Variants in MYH6 observed in about 807,000 individuals in gnomAD.
The protein encoded by MYH6 is myosin heavy chain 6.
In MYH6, 126 loss-of-function variants were observed where a neutral mutation model predicts 223.2. The ratio of observed to expected loss-of-function variants is 0.56; its 90% confidence interval spans 0.49 to 0.65. The LOEUF is 0.65. Among genes scored for constraint, MYH6 ranks in the 30% least tolerant of loss-of-function variants. The pLI, the probability that MYH6 is intolerant of heterozygous loss-of-function variation, is 0.00. For synonymous variants in MYH6, 978 were observed against 1,010.2 expected (o/e 0.97, Z 0.61); for missense variants, 2,040 against 2,536.4 (o/e 0.80, Z 4.20).
rs1595048871 is a variant in MYH6, at chr14:23,385,947, A to C, written c.5144T>G (p.Val1715Gly). ...CCTCACCTGGGAATGCAGCAGCTGCACCCGCTCGCTGGTCTCAATCAGCTC... is the reference window on the plus strand; with the variant it reads ...CCTCACCTGGGAATGCAGCAGCTGCCCCCGCTCGCTGGTCTCAATCAGCTC... ...EQELIETSER[V>G]QLLHSQNTSL... is the part of the protein sequence containing the mutation. Residue 1715 changes from valine to glycine, a missense_variant, in exon 34 of 39, where the codon GTG becomes GGG. Val to Gly is a moderately radical substitution (Grantham distance 109). Around this residue, in one of 4 missense-constraint regions of MYH6, gnomAD observed 1,203 missense variants for 1,400.2 expected, o/e 0.86. Transcript: ENST00000405093. The C allele has an allele frequency of 6.2e-7, 1 of 1,614,098 alleles. No individual in the cohort carries two copies. The highest frequency in any genetic ancestry group is 8.5e-7 in the Non-Finnish European group (1 of 1,180,012).
chr14:23,403,805 G>T (rs756445461), intron 8 of MYH6, 27 bp from the exon 9 acceptor site: 1 of 1,580,812 alleles, frequency 6.3e-7, no homozygotes, highest in South Asian at 1.1e-5. Context: ...CAGAGTGAGG[G>T]AACTGGCGGG....
chr14:23,390,555 C>G, intron 25 of MYH6, 109 bp from the exon 26 acceptor site: 2 of 1,534,016 alleles, frequency 1.3e-6, no homozygotes, highest in African/African-American at 1.4e-5. Context: ...CAGTGGTTCT[C>G]AACTAGGGGC....
chr14:23,388,936 G>A lies in MYH6; in HGVS notation c.4098C>T (p.Ala1366=). The A allele has an allele frequency of 6.2e-7, 1 of 1,613,758 alleles. No individual in the cohort carries two copies. Among genetic ancestry groups the A allele is most frequent in the Non-Finnish European group, 8.5e-7 (1 of 1,180,022 alleles). ...TCCTCCACTGGGCCACCTCCGAGTT[G>A]GCCTTGGACAGGACGCGCTGCAGCT... The part of the protein sequence containing the change: ...KAELQRVLSK[A]NSEVAQWRTK... Residue 1366 remains alanine (A), a synonymous_variant, in exon 29 of 39, where the codon GCC becomes GCT. Transcript: ENST00000405093.
chr14:23,406,114 C>CA (rs1441471339), intron 3 of MYH6, among the ~76,000 whole-genome samples: 1 of 152,158 alleles, frequency 6.6e-6, no homozygotes, highest in Non-Finnish European at 1.5e-5. Context: ...GATCTGTGCA[C>CA]ACCTTATGCT....
intron 28 of MYH6, 65 bp downstream of exon 28, chr14:23,389,328 T>G (rs1009660972): frequency 1.4e-4 from 212 of 1,547,288 alleles, no homozygotes; most frequent in Non-Finnish European, 1.8e-4. Context: ...GCTCCATTTC[T>G]GGCACTGAGA....
Position 23,405,030 on chromosome 14 carries a change from A to G in MYH6, c.530+70T>C, listed in dbSNP as rs1891738091. 5 of 1,606,562 alleles carry G rather than the reference A, an allele frequency of 3.1e-6. No individual in the cohort carries two copies. In the East Asian group the frequency reaches 6.7e-5, roughly 22 times the overall value. ...TCCCAGCCTTAAACCTCTCCTCCCAACTACACCCTAGGCATCAGCGTGTAT... is the reference window on the plus strand; with the variant it reads ...TCCCAGCCTTAAACCTCTCCTCCCAGCTACACCCTAGGCATCAGCGTGTAT... On this transcript the variant is annotated intron_variant, in intron 6 of 38. Coordinates refer to ENST00000405093, the MANE Select transcript of MYH6 (RefSeq NM_002471.4). This position sits in a 1 kb window ranked among gnomAD's most constrained non-coding sequence, Gnocchi z 4.7.
chr14:23,407,708 T>G lies in MYH6; in HGVS notation c.-46-100A>C, dbSNP rs187243951. On this transcript the variant is annotated intron_variant, in intron 1 of 38. Coordinates refer to ENST00000405093, the MANE Select transcript of MYH6 (RefSeq NM_002471.4). The surrounding 1 kb of genome is among the most constrained non-coding windows in gnomAD (Gnocchi z 5.6). ...ACAACAGAGGCAGGCCACCCGGGGA[T>G]GGAGGCAGCCCCAGAGCGCAGACAG... 1.4e-5 allele frequency: 12 copies of G among 861,938 alleles called. No individual in the cohort carries two copies. The highest frequency in any genetic ancestry group is 1.7e-5 in the Non-Finnish European group (12 of 697,526). 53.4% of individuals were successfully genotyped at this position (861,938 alleles called of 1,614,324 possible). A position where few individuals can be genotyped will look rare whatever the true frequency, so the allele number is the denominator to read the frequency against.
intron 29 of MYH6, 141 bp from the exon 30 acceptor site, chr14:23,388,479 C>T (rs1241170660): frequency 1.4e-6 from 2 of 1,382,312 alleles, no homozygotes; most frequent in Non-Finnish European, 2.0e-6. Flanking sequence ...CTGCTCATGC[C>T]TGGAACAGAG....
intron 29 of MYH6, 60 bp downstream of exon 29, chr14:23,388,799 C>A: frequency 5.0e-6 from 8 of 1,613,356 alleles, no homozygotes; most frequent in Non-Finnish European, 6.8e-6. Flanking sequence ...CTGTCCCCAC[C>A]CCAGGTCCTC....
chr14:23,393,239 C>T, intron 23 of MYH6, 103 bp downstream of exon 23: 1 of 1,531,210 alleles, frequency 6.5e-7, no homozygotes, highest in Non-Finnish European at 9.0e-7. Context: ...AAAAAAGCTT[C>T]AGGGGCCATA....
chr14:23,407,256 G>A lies in MYH6; in HGVS notation c.-13-20C>T, dbSNP rs1354377673. The A allele has an allele frequency of 2.5e-6, 4 of 1,612,934 alleles. No individual in the cohort carries two copies. The East Asian group carries it at 6.7e-5, about 27-fold the overall frequency. ...CTTCCCCTGGGTCAGAGACAGGAGG[G>A]CTATGTTACTCCTGAGGGAGCCCAG... On this transcript the variant is annotated intron_variant, in intron 2 of 38. Coordinates refer to ENST00000405093, the MANE Select transcript of MYH6 (RefSeq NM_002471.4). This position sits in a 1 kb window ranked among gnomAD's most constrained non-coding sequence, Gnocchi z 5.6.
Position 23,405,091 on chromosome 14 carries a change from C to T in MYH6, c.530+9G>A, listed in dbSNP as rs1052435390. On this transcript the variant is annotated intron_variant, in intron 6 of 38. Transcript: ENST00000405093. This position sits in a 1 kb window ranked among gnomAD's most constrained non-coding sequence, Gnocchi z 4.7. ...CAGTCCCTTCTGTGGGAGGATGGCA[C>T]TCGCTCACGTGATGAGGATGGACTG... is the stretch of plus-strand genomic sequence containing the variant. 3.1e-6 allele frequency: 5 copies of T among 1,613,964 alleles called. No individual in the cohort carries two copies. The African/African-American group carries it at 4.0e-5, about 13-fold the overall frequency.
Position 23,394,792 on chromosome 14 carries a change from CTG to C in MYH6, c.2430-471_2430-470del, listed in dbSNP as rs1382350335. Among the ~76,000 whole-genome samples, 4 of 152,190 alleles carry C rather than the reference CTG, an allele frequency of 2.6e-5. No individual in the cohort carries two copies. The East Asian group carries it at 7.7e-4, about 29-fold the overall frequency. On this transcript the variant is annotated intron_variant, in intron 20 of 38. Coordinates refer to ENST00000405093, the MANE Select transcript of MYH6 (RefSeq NM_002471.4). ...CACCCCGCCAGGAGCAGCCGCCACT[CTG>C]AATCTTATTTTTCCTTTCCTTGCTT...
At chr14:23,393,265 G>A (rs374707895) in intron 23 of MYH6, 77 bp downstream of exon 23, 2 of 1,584,838 alleles carry the variant, frequency 1.3e-6, no homozygotes, top group African/African-American at 2.7e-5. Flanking sequence ...TAATTCTAGG[G>A]ATCAGGACTT....
At chr14:23,396,114 AAAG>A (rs34644851) in intron 20 of MYH6, among the ~76,000 whole-genome samples, 167 bp downstream of exon 20, 1,731 of 144,710 alleles carry the variant, frequency 0.012, 19 homozygotes, top group East Asian at 0.054. Context: ...AAAAAAAAAA[AAAG>A]AAGAAGAAGA....
rs780659186 is a variant in MYH6 at position 23,405,356 on chromosome 14, G to A, written c.369C>T (p.Val123=). 21 of 1,614,056 alleles carry A rather than the reference G, an allele frequency of 1.3e-5. No individual in the cohort carries two copies. The highest frequency in any genetic ancestry group is 8.3e-5 in the Admixed American group (5 of 60,004). Reference sequence around the variant, plus strand: ...GCAGCCACTTGTAGGGGTTGACAGTGACACAGAAGAGGCCCGAGTAGGTCT... The same window carrying A: ...GCAGCCACTTGTAGGGGTTGACAGTAACACAGAAGAGGCCCGAGTAGGTCT... The part of the protein sequence containing the change: ...MIYTYSGLFC[V]TVNPYKWLPV... The change falls in exon 5 of 39, where the codon GTC becomes GTT. Residue 123 remains valine (V), a synonymous_variant. Coordinates refer to ENST00000405093, the MANE Select transcript of MYH6 (RefSeq NM_002471.4). The surrounding 1 kb of genome is among the most constrained non-coding windows in gnomAD (Gnocchi z 4.7).
Position 23,386,589 on chromosome 14 carries a change from C to A in MYH6, c.4685G>T (p.Arg1562Leu), listed in dbSNP as rs371068881. The A allele has an allele frequency of 1.7e-5, 25 of 1,495,964 alleles. No individual in the cohort carries two copies. Among genetic ancestry groups the A allele is most frequent in the Non-Finnish European group, 2.2e-5 (24 of 1,105,068 alleles). The allele number at this position is 1,495,964 out of a possible 1,614,324, so 92.7% of individuals were successfully genotyped here. Residue 1562 changes from arginine to leucine, a missense_variant, in exon 33 of 39, where the codon CGG becomes CTG. This residue lies in a region of MYH6 where 1,203 missense variants were observed against 1,400.2 expected (regional missense o/e 0.86). Transcript: ENST00000405093. Reference sequence around the variant, plus strand: ...GATCTGGTTGAACTCTAGCTGGGCCCGGAGGATCTTGCCCTCCTCGTGCTC... The same window carrying A: ...GATCTGGTTGAACTCTAGCTGGGCCAGGAGGATCTTGCCCTCCTCGTGCTC... ...SLEHEEGKIL[R>L]AQLEFNQIKA...
chr14:23,389,514 G>A lies in MYH6; in HGVS notation c.3860-3C>T, dbSNP rs372280559. 2.5e-6 allele frequency: 4 copies of A among 1,614,086 alleles called. No homozygotes were observed. The African/African-American group carries it at 5.3e-5, about 22-fold the overall frequency. ...CTCTAGCTGCCGGGCCAACTCTCCTGGAGGTGAAATGAGGGGCTTGTGGGC... is the reference window on the plus strand; with the variant it reads ...CTCTAGCTGCCGGGCCAACTCTCCTAGAGGTGAAATGAGGGGCTTGTGGGC... On this transcript the variant is annotated splice_polypyrimidine_tract_variant and splice_region_variant and intron_variant, in intron 27 of 38. Transcript: ENST00000405093.
intron 20 of MYH6, 78 bp downstream of exon 20, chr14:23,396,205 TC>T: frequency 6.3e-7 from 1 of 1,596,548 alleles, no homozygotes; most frequent in East Asian, 2.2e-5. Flanking sequence ...TGAACCCAGG[TC>T]TTCTGACCCA....
Sources: allele counts gnomAD v4.1 joint callset (sites outside exome capture counted in the v4.1 genomes callset), GRCh38; gene constraint gnomAD v4.1.1; regional missense constraint gnomAD v4.1.1; non-coding constraint Gnocchi (gnomAD v3.1); transcripts MANE v1.5; gene names NCBI Gene and HGNC (gene_info 2026-07-23, HGNC 2026-07-21).